The following CNTNAP2 variants were observed in gnomAD, a reference collection of about 807,000 sequenced individuals.
The protein encoded by CNTNAP2 is contactin-associated protein-like 2.
CNTNAP2 carries 98 observed loss-of-function variants against 155.2 expected under a neutral mutation model. The observed-to-expected ratio is 0.63, with a 90% CI of 0.54 to 0.75. The LOEUF (loss-of-function observed/expected upper bound fraction) is 0.75. CNTNAP2 is among the 30% of genes least tolerant of loss of function. The probability of loss-of-function intolerance (pLI) is 0.00; values close to 1 mark genes in which losing one functional copy is unlikely to be tolerated. For synonymous variants in CNTNAP2, 651 were observed against 631.2 expected (o/e 1.03, Z -0.47); for missense variants, 1,727 against 1,688.1 (o/e 1.02, Z -0.40).
intron 8 of CNTNAP2, among the ~76,000 whole-genome samples, chr7:147,202,863 T>A (rs995289276): frequency 8.6e-5 from 13 of 150,524 alleles, no homozygotes; most frequent in Non-Finnish European, 1.2e-4. Context: ...AAAAAAAATA[T>A]ATATATATAT....
At chr7:147,427,392 C>A (rs549131255) in intron 10 of CNTNAP2, among the ~76,000 whole-genome samples, 30 of 152,212 alleles carry the variant, frequency 2.0e-4, no homozygotes, top group African/African-American at 7.0e-4. Context: ...TGGGTTCTTT[C>A]AACAGATAGA....
chr7:147,755,918 T>G (rs2116510866), intron 13 of CNTNAP2, among the ~76,000 whole-genome samples: 1 of 152,338 alleles, frequency 6.6e-6, no homozygotes, highest in South Asian at 2.1e-4. Context: ...GGAGTAGATT[T>G]AGTGAACTTG....
chr7:147,808,313 T>C (rs59265100), intron 13 of CNTNAP2, among the ~76,000 whole-genome samples: 2,438 of 152,246 alleles, frequency 0.016, 61 homozygotes, highest in African/African-American at 0.055. Flanking sequence ...ATTATAATGA[T>C]CAAAGAAAGT....
chr7:147,423,910 T>A (rs532477546), intron 10 of CNTNAP2, among the ~76,000 whole-genome samples: 1 of 152,322 alleles, frequency 6.6e-6, no homozygotes, highest in East Asian at 1.9e-4. Flanking sequence ...TCCCTTGCAA[T>A]CACCTTTGAT....
At chr7:147,137,298 A>G (rs1384506544) in intron 8 of CNTNAP2, among the ~76,000 whole-genome samples, 6 of 151,242 alleles carry the variant, frequency 4.0e-5, no homozygotes, top group Non-Finnish European at 1.5e-5. Flanking sequence ...ACTTAAGTAG[A>G]CTATGAATCT....
intron 12 of CNTNAP2, among the ~76,000 whole-genome samples, chr7:147,575,108 TGTGTGTG>T (rs1800363673): frequency 4.6e-5 from 1 of 21,800 alleles, no homozygotes; most frequent in African/African-American, 2.6e-4. Flanking sequence ...TTGTGGGAAA[TGTGTGTG>T]TGTGTGTGTG....
At chr7:146,495,099 A>G (rs1472012615) in intron 1 of CNTNAP2, among the ~76,000 whole-genome samples, 2 of 152,348 alleles carry the variant, frequency 1.3e-5, no homozygotes, top group African/African-American at 4.8e-5. Context: ...ATTTCTTGAT[A>G]AAATGATGAG....
intron 3 of CNTNAP2, among the ~76,000 whole-genome samples, chr7:146,927,544 A>G (rs1283944301): frequency 2.0e-5 from 3 of 152,168 alleles, no homozygotes; most frequent in Non-Finnish European, 2.9e-5. Context: ...ACAATATACA[A>G]TTTGTATAAA....
At chr7:147,315,483 T>A (rs1795209185) in intron 9 of CNTNAP2, among the ~76,000 whole-genome samples, 1 of 139,696 alleles carries the variant, frequency 7.2e-6, no homozygotes, top group Non-Finnish European at 1.5e-5. Flanking sequence ...CTGGACTTTT[T>A]TTTTTTTTTT....
intron 1 of CNTNAP2, among the ~76,000 whole-genome samples, chr7:146,708,588 A>ATATTTTTTTTT (rs1801007411): frequency 1.6e-5 from 1 of 63,956 alleles, no homozygotes; most frequent in African/African-American, 7.8e-5. Context: ...AAAAAAAGTG[A>ATATTTTTTTTT]TTTTTTTTTT....
intron 12 of CNTNAP2, among the ~76,000 whole-genome samples, chr7:147,634,392 A>G (rs1178674022): frequency 6.6e-6 from 1 of 152,194 alleles, no homozygotes; most frequent in Non-Finnish European, 1.5e-5. Flanking sequence ...TGTAAGTGGG[A>G]GCTAATCTAT....
At chr7:147,629,352 G>T (rs1269196813) in intron 12 of CNTNAP2, among the ~76,000 whole-genome samples, 4 of 151,548 alleles carry the variant, frequency 2.6e-5, no homozygotes, top group Admixed American at 2.6e-4. Flanking sequence ...GCAGTGAGTT[G>T]AGATTGCACC....
intron 1 of CNTNAP2, among the ~76,000 whole-genome samples, chr7:146,361,412 T>C (rs1470452125): frequency 6.6e-6 from 1 of 152,186 alleles, no homozygotes; most frequent in African/African-American, 2.4e-5. Flanking sequence ...TTTTCTTCAC[T>C]TGAATATGTG....
chr7:146,373,049 A>G (rs999915161), intron 1 of CNTNAP2, among the ~76,000 whole-genome samples: 1 of 152,154 alleles, frequency 6.6e-6, no homozygotes, highest in Non-Finnish European at 1.5e-5. Flanking sequence ...TAAAACATTA[A>G]GGGAAAGTCA....
At chr7:148,201,926 C>T (rs1054071358) in intron 18 of CNTNAP2, among the ~76,000 whole-genome samples, 1 of 151,772 alleles carries the variant, frequency 6.6e-6, no homozygotes, top group Non-Finnish European at 1.5e-5. Context: ...AATTGACGCA[C>T]ACGGTTGTTG....
intron 1 of CNTNAP2, among the ~76,000 whole-genome samples, chr7:146,577,488 T>C (rs1563142141): frequency 6.6e-6 from 1 of 152,142 alleles, no homozygotes; most frequent in Non-Finnish European, 1.5e-5. Flanking sequence ...CATGTAGATT[T>C]AAACAAGCTA....
intron 1 of CNTNAP2, among the ~76,000 whole-genome samples, chr7:146,288,000 C>T (rs183681979): frequency 8.5e-4 from 130 of 152,208 alleles, no homozygotes; most frequent in African/African-American, 2.9e-3. Flanking sequence ...GATTCCTATG[C>T]ACTTAAACAA....
intron 12 of CNTNAP2, among the ~76,000 whole-genome samples, chr7:147,586,523 G>GAGGGAGGAAGGAAGGAAGGA (rs1563009692): frequency 1.2e-4 from 5 of 42,004 alleles, no homozygotes; most frequent in Non-Finnish European, 1.6e-4. Flanking sequence ...AGAGAGAGAA[G>GAGGGAGGAAGGAAGGAAGGA]AGGAAGGAAG....
At chr7:147,540,755 G>A (rs1203884388) in intron 11 of CNTNAP2, among the ~76,000 whole-genome samples, 11 of 152,010 alleles carry the variant, frequency 7.2e-5, no homozygotes, top group East Asian at 5.8e-4. Context: ...CGCTTGAACC[G>A]GGGAGTTGGA....
Sources: allele counts gnomAD v4.1 joint callset (sites outside exome capture counted in the v4.1 genomes callset), GRCh38; gene constraint gnomAD v4.1.1; transcripts MANE v1.5; gene names NCBI Gene and HGNC (gene_info 2026-07-23, HGNC 2026-07-21).